CPS1: variants seen among roughly 807,000 people sequenced by gnomAD.
CPS1 encodes carbamoyl-phosphate synthase 1, also known as carbamoyl-phosphate synthase [ammonia], mitochondrial.
A neutral mutation model predicts 174.6 loss-of-function variants in CPS1; 109 were observed. The ratio of observed to expected loss-of-function variants is 0.62; its 90% CI spans 0.53 to 0.73. The LOEUF is 0.73. Ranked by LOEUF, CPS1 falls within the 30% of genes least tolerant of loss-of-function variation. The pLI is 0.00. For synonymous variants in CPS1, 637 were observed against 632.0 expected (o/e 1.01, Z -0.12); for missense variants, 1,689 against 1,821.9 (o/e 0.93, Z 1.33).
chr2:210,581,203 G>A (rs1047774145), intron 5 of CPS1, among the ~76,000 whole-genome samples: 1 of 152,106 alleles, frequency 6.6e-6, no homozygotes, highest in Non-Finnish European at 1.5e-5. Context: ...GGCGGGAAAG[G>A]AATACAGTTG....
chr2:210,552,614 A>G (rs1696759655), upstream of CPS1, among the ~76,000 whole-genome samples: 1 of 151,866 alleles, frequency 6.6e-6, no homozygotes, highest in Non-Finnish European at 1.5e-5. Context: ...TTTATTCTCT[A>G]AGACATCCTG....
intron 1 of CPS1, among the ~76,000 whole-genome samples, chr2:210,562,640 G>A (rs1379238860): frequency 6.6e-6 from 1 of 152,104 alleles, no homozygotes; most frequent in Non-Finnish European, 1.5e-5. Context: ...AAGAGGATGA[G>A]TACTGAGGCG....
chr2:210,483,838 C>G (rs908815308), intron 1 of CPS1, among the ~76,000 whole-genome samples: 21 of 152,140 alleles, frequency 1.4e-4, no homozygotes, highest in Admixed American at 3.9e-4. Flanking sequence ...GTTGGCCTTA[C>G]CTGGATATGT....
intron 1 of CPS1, among the ~76,000 whole-genome samples, chr2:210,514,347 C>G (rs1695614000): frequency 6.6e-6 from 1 of 151,888 alleles, no homozygotes; most frequent in Non-Finnish European, 1.5e-5. Context: ...TTTGTGTCAT[C>G]TATGATTCCT....
chr2:210,607,032 C>T (rs781018796), intron 18 of CPS1, 91 bp downstream of exon 18: 36 of 1,147,778 alleles, frequency 3.1e-5, no homozygotes, highest in Admixed American at 1.6e-4. Flanking sequence ...ACTGCATTTA[C>T]AAACTATGTT....
intron 1 of CPS1, among the ~76,000 whole-genome samples, chr2:210,509,921 C>G (rs62203705): frequency 3.1e-4 from 47 of 152,122 alleles, no homozygotes; most frequent in Non-Finnish European, 4.3e-4. Context: ...TGGGTAGGAA[C>G]AATCAATATC....
At chr2:210,572,321 T>G (rs7582951) in intron 1 of CPS1, among the ~76,000 whole-genome samples, 91,013 of 151,770 alleles carry the variant, frequency 0.6, 27,569 homozygotes, top group African/African-American at 0.67. Flanking sequence ...TTATTGCAGA[T>G]ATGTTTTTCT....
At chr2:210,594,459 A>T in intron 11 of CPS1, 49 bp from the exon 12 acceptor site, 1 of 1,287,376 alleles carries the variant, frequency 7.8e-7, no homozygotes, top group South Asian at 1.2e-5. Flanking sequence ...TTATCTGGTG[A>T]ACTTAGGAAT....
chr2:210,606,115 T>G (rs2105848908), intron 17 of CPS1, among the ~76,000 whole-genome samples: 1 of 152,078 alleles, frequency 6.6e-6, no homozygotes, highest in East Asian at 2.0e-4. Flanking sequence ...AGAGAACAAT[T>G]TCATTGCAAA....
chr2:210,675,044 A>G (rs1701477097), intron 35 of CPS1, 83 bp downstream of exon 35: 4 of 1,052,758 alleles, frequency 3.8e-6, no homozygotes, highest in African/African-American at 3.1e-5. Context: ...TGGAAAAGAA[A>G]TAGCCCAAAA....
intron 21 of CPS1, among the ~76,000 whole-genome samples, chr2:210,621,310 A>T (rs1258734236): frequency 6.6e-6 from 1 of 152,128 alleles, no homozygotes; most frequent in South Asian, 2.1e-4. Context: ...TGTTATGTGT[A>T]TGCTTTGGAA....
intron 1 of CPS1, among the ~76,000 whole-genome samples, chr2:210,565,434 A>G (rs1697271467): frequency 6.6e-6 from 1 of 152,080 alleles, no homozygotes; most frequent in African/African-American, 2.4e-5. Flanking sequence ...ACCTTAAGGC[A>G]TTTTTCTTGA....
rs977614545 is a variant in CPS1 at position 210,602,970 on chromosome 2, T to C, written c.1836+640T>C. On this transcript the variant is annotated intron_variant, in intron 16 of 37. Transcript: ENST00000233072. ...TAGGAACTACTTCTTTCTTTGCATG[T>C]TAGAGGAAAACTCTTGAGAAAAGTA... Among the ~76,000 whole-genome samples, 7 of 151,996 alleles carry C rather than the reference T, an allele frequency of 4.6e-5. 1 individual carries two copies. Among genetic ancestry groups the C allele is most frequent in the African/African-American group, 1.7e-4 (7 of 41,432 alleles).
At chr2:210,493,834 G>A (rs1185001461) in intron 1 of CPS1, among the ~76,000 whole-genome samples, 1 of 152,062 alleles carries the variant, frequency 6.6e-6, no homozygotes, top group Non-Finnish European at 1.5e-5. Flanking sequence ...TTACAGCACT[G>A]TCATTTGGGG....
intron 20 of CPS1, among the ~76,000 whole-genome samples, chr2:210,614,701 G>A (rs1011095106): frequency 1.3e-5 from 2 of 151,966 alleles, no homozygotes; most frequent in African/African-American, 4.8e-5. Flanking sequence ...ATACTATGCA[G>A]CCATAAAAAA....
chr2:210,668,358 T>C (rs879015139), intron 34 of CPS1, 74 bp downstream of exon 34: 5 of 995,096 alleles, frequency 5.0e-6, no homozygotes, highest in South Asian at 3.8e-5. Context: ...AGAATGTTAA[T>C]TGTGGTATAG....
chr2:210,678,206 T>C lies in CPS1; in HGVS notation c.*221T>C. On this transcript the variant is annotated 3_prime_UTR_variant, in exon 38 of 38. Transcript: ENST00000233072. ...GTTACTCTTCATGAGATTTCATCCA[T>C]TTACTAATACTGTATTTTTGGTGGA... The C allele has an allele frequency of 3.3e-6, 2 of 610,832 alleles. No individual in the cohort carries two copies. The highest frequency in any genetic ancestry group is 2.4e-5 in the Admixed American group (1 of 41,022). 37.8% of individuals were successfully genotyped at this position (610,832 alleles called of 1,614,324 possible).
intron 1 of CPS1, among the ~76,000 whole-genome samples, chr2:210,545,920 C>T (rs1267038878): frequency 6.6e-6 from 1 of 152,074 alleles, no homozygotes; most frequent in Middle Eastern, 3.4e-3. Flanking sequence ...TTGTGAAGTG[C>T]ATTAATAGGT....
At chr2:210,525,823 G>A (rs1199832999) in intron 1 of CPS1, among the ~76,000 whole-genome samples, 1 of 150,570 alleles carries the variant, frequency 6.6e-6, no homozygotes, top group African/African-American at 2.4e-5. Context: ...GAGAGAGAGA[G>A]AGAGGGAGAG....
Sources: gnomAD v4.1 joint callset for allele counts (sites outside exome capture counted in the v4.1 genomes callset) on GRCh38, gnomAD v4.1.1 for gene constraint, MANE v1.5 for transcripts, NCBI Gene and HGNC (gene_info 2026-07-23, HGNC 2026-07-21) for gene names.